The following CSMD3 variants were observed in gnomAD, a reference collection of about 807,000 sequenced individuals.
The protein encoded by CSMD3 is CUB and Sushi multiple domains 3, also known as CUB and sushi domain-containing protein 3.
CSMD3 carries 177 observed loss-of-function variants against 435.2 expected under a neutral mutation model. The ratio of observed to expected loss-of-function variants is 0.41; its 90% CI spans 0.36 to 0.46. The LOEUF is 0.46. Ranked by LOEUF, CSMD3 falls within the 20% of genes least tolerant of loss-of-function variation. The pLI is 0.34. For synonymous variants in CSMD3, 1,656 were observed against 1,520.5 expected, an observed-to-expected ratio of 1.09 and a Z score of -2.07; for missense variants, 4,265 against 4,504.6, an observed-to-expected ratio of 0.95 and a Z score of 1.52.
intron 1 of CSMD3, among the ~76,000 whole-genome samples, chr8:113,436,338 A>G (rs2094706019): frequency 6.6e-6 from 1 of 152,236 alleles, no homozygotes; most frequent in Non-Finnish European, 1.5e-5. Flanking sequence ...GTGATCTGAC[A>G]AGAAATCAAG....
chr8:112,629,788 T>C (rs1719649559), intron 22 of CSMD3, among the ~76,000 whole-genome samples: 1 of 152,202 alleles, frequency 6.6e-6, no homozygotes, highest in Non-Finnish European at 1.5e-5. Context: ...CCATGATACC[T>C]GTTTTTTTAG....
At chr8:113,337,203 T>C (rs1481013324) in intron 1 of CSMD3, among the ~76,000 whole-genome samples, 1 of 152,122 alleles carries the variant, frequency 6.6e-6, no homozygotes, top group Non-Finnish European at 1.5e-5. Context: ...TGTTGTTCTT[T>C]AGATGTCAAG....
chr8:113,430,080 C>T (rs181977185), intron 1 of CSMD3, among the ~76,000 whole-genome samples: 1 of 152,076 alleles, frequency 6.6e-6, no homozygotes, highest in Non-Finnish European at 1.5e-5. Context: ...TAGCCAGCAC[C>T]AGAAGTGAAT....
intron 3 of CSMD3, among the ~76,000 whole-genome samples, chr8:113,199,026 C>T (rs2092690220): frequency 6.6e-6 from 1 of 150,376 alleles, no homozygotes; most frequent in Admixed American, 6.7e-5. Context: ...TAATTGGAAA[C>T]AAATGTACTT....
chr8:113,229,265 C>A (rs2093059625), intron 3 of CSMD3, among the ~76,000 whole-genome samples: 1 of 151,548 alleles, frequency 6.6e-6, no homozygotes, highest in Non-Finnish European at 1.5e-5. Flanking sequence ...GTATATCTCA[C>A]ATGTTGTTTA....
At chr8:113,401,129 G>A (rs2094508256) in intron 1 of CSMD3, among the ~76,000 whole-genome samples, 1 of 151,730 alleles carries the variant, frequency 6.6e-6, no homozygotes, top group Admixed American at 6.6e-5. Context: ...TAAGATAGAA[G>A]CCAAGGAACA....
intron 27 of CSMD3, 86 bp downstream of exon 27, chr8:112,550,585 A>G: frequency 1.4e-6 from 1 of 709,484 alleles, no homozygotes. Context: ...AAAATTTTAA[A>G]ATTAAAATTT....
chr8:112,868,445 A>G (rs151046849), intron 10 of CSMD3, among the ~76,000 whole-genome samples: 402 of 152,346 alleles, frequency 2.6e-3, no homozygotes, highest in Non-Finnish European at 4.7e-3. Context: ...CCATACTTTT[A>G]TATGAGTGGT....
intron 11 of CSMD3, among the ~76,000 whole-genome samples, chr8:112,844,736 G>A (rs1416715042): frequency 6.6e-6 from 1 of 151,790 alleles, no homozygotes; most frequent in East Asian, 1.9e-4. Context: ...CTCTGTTAAT[G>A]CGTTTTCTGT....
chr8:112,403,580 A>C (rs1480995779), intron 35 of CSMD3, among the ~76,000 whole-genome samples: 1 of 152,114 alleles, frequency 6.6e-6, no homozygotes, highest in African/African-American at 2.4e-5. Context: ...TGCTTCATAG[A>C]CAGTGCCTCT....
chr8:112,412,920 A>G (rs1362016063), intron 32 of CSMD3, among the ~76,000 whole-genome samples: 16 of 152,158 alleles, frequency 1.1e-4, no homozygotes. Context: ...TAGGCTGGCC[A>G]ATTAATTATA....
intron 5 of CSMD3, among the ~76,000 whole-genome samples, chr8:113,022,312 G>A (rs2086711344): frequency 6.6e-6 from 1 of 151,972 alleles, no homozygotes; most frequent in Admixed American, 6.6e-5. Flanking sequence ...CTAGCATAAA[G>A]TCAATGAGAA....
chr8:112,884,694 A>G (rs1238897172), intron 10 of CSMD3, among the ~76,000 whole-genome samples: 2 of 151,122 alleles, frequency 1.3e-5, no homozygotes, highest in African/African-American at 4.9e-5. Context: ...TTTCCACCTA[A>G]TCTCTTTAAT....
intron 6 of CSMD3, among the ~76,000 whole-genome samples, chr8:112,989,110 CT>C (rs1201022781): frequency 6.6e-6 from 1 of 151,780 alleles, no homozygotes; most frequent in Non-Finnish European, 1.5e-5. Context: ...ACTGTGTTTC[CT>C]AAGAAATATT....
intron 4 of CSMD3, among the ~76,000 whole-genome samples, chr8:113,162,106 T>C (rs1588178850): frequency 6.6e-6 from 1 of 152,174 alleles, no homozygotes; most frequent in East Asian, 1.9e-4. Flanking sequence ...AGAAGGACAC[T>C]GGCTCAAGAG....
intron 5 of CSMD3, among the ~76,000 whole-genome samples, chr8:113,079,362 T>C (rs1032506629): frequency 2.0e-5 from 3 of 152,308 alleles, no homozygotes; most frequent in Non-Finnish European, 4.4e-5. Context: ...ATATTCTTAT[T>C]TCCCAAATGA....
rs528446931 is a variant in CSMD3 at position 112,976,273 on chromosome 8, A to G, written c.1031-125T>C. 2.5e-5 allele frequency: 27 copies of G among 1,099,406 alleles called. No individual in the cohort carries two copies. In the East Asian group the frequency reaches 4.9e-4, roughly 20 times the overall value. The allele number at this position is 1,099,406 out of a possible 1,614,324, so 68.1% of individuals were successfully genotyped here. ...AGGATAATCAACATGAAGAGGCAAA[A>G]CACAAACACGCGAGTAAATTGTGAA... On this transcript the variant is annotated intron_variant, in intron 6 of 70. Coordinates refer to ENST00000297405, the MANE Select transcript of CSMD3 (RefSeq NM_198123.2).
intron 13 of CSMD3, among the ~76,000 whole-genome samples, chr8:112,789,417 C>G (rs1367283927): frequency 6.6e-6 from 1 of 151,974 alleles, no homozygotes; most frequent in Non-Finnish European, 1.5e-5. Flanking sequence ...ACTGTCCTTA[C>G]AGCAAACACT....
intron 38 of CSMD3, among the ~76,000 whole-genome samples, chr8:112,357,395 TAAAAGTTTGA>T (rs1826722669): frequency 6.6e-6 from 1 of 152,152 alleles, no homozygotes; most frequent in South Asian, 2.1e-4. Context: ...AAGCAGAGTA[TAAAAGTTTGA>T]AAAATGTGCA....
Sources: allele counts gnomAD v4.1 joint callset (sites outside exome capture counted in the v4.1 genomes callset), GRCh38; gene constraint gnomAD v4.1.1; transcripts MANE v1.5; gene names NCBI Gene and HGNC (gene_info 2026-07-23, HGNC 2026-07-21).